KAT14: variants seen among roughly 807,000 people sequenced by gnomAD.
The protein encoded by KAT14 is cysteine-rich protein 2-binding protein.
KAT14 carries 66 observed loss-of-function variants against 78.4 expected under a neutral mutation model. That is an observed-to-expected ratio of 0.84 (90% CI 0.69 to 1.03). The LOEUF (loss-of-function observed/expected upper bound fraction) is 1.03, where lower values mean the gene tolerates loss of function less well. Ranked by LOEUF, KAT14 falls within the 50% of genes least tolerant of loss-of-function variation. The pLI is 0.00. For synonymous variants in KAT14, 344 were observed against 359.4 expected (o/e 0.96, Z 0.48); for missense variants, 870 against 972.5 (o/e 0.89, Z 1.40).
chr20:18,161,075 G>T (rs1208718814), intron 5 of KAT14, among the ~76,000 whole-genome samples: 1 of 151,920 alleles, frequency 6.6e-6, no homozygotes, highest in East Asian at 2.0e-4. Flanking sequence ...TCTGGAGGCT[G>T]AGGCAGGAGA....
Position 18,138,062 on chromosome 20 carries a change from C to T in KAT14, c.-454+11C>T. ...CAGTGGGACCAGCAGGTCGGTGTCA[C>T]GTGACCGTCTCTTCCGGGCCCGCGC... On this transcript the variant is annotated intron_variant, in intron 1 of 10. Coordinates refer to ENST00000688188, the MANE Select transcript of KAT14 (RefSeq NM_001392073.1). 1.4e-6 allele frequency: 2 copies of T among 1,468,150 alleles called. No individual in the cohort carries two copies. The highest frequency in any genetic ancestry group is 5.0e-5 in the Admixed American group (2 of 39,922). The allele number at this position is 1,468,150 out of a possible 1,614,324, so 90.9% of individuals were successfully genotyped here. A position where few individuals can be genotyped will look rare whatever the true frequency, so the allele number is the denominator to read the frequency against.
In KAT14 at chr20:18,185,995, A is replaced by G. The variant is rs551531569; in HGVS notation, c.2172+1203A>G. ...CTACAACACTCCCTTTCTCTGCCCC[A>G]TCCCAACCAAGAGTTGATCTCTCAG... On this transcript the variant is annotated intron_variant, in intron 10 of 10. Transcript: ENST00000688188. Among the ~76,000 whole-genome samples, 4 of 152,306 alleles carry G rather than the reference A, an allele frequency of 2.6e-5. 1 individual carries two copies. Among genetic ancestry groups the G allele is most frequent in the Admixed American group, 6.5e-5 (1 of 15,302 alleles).
In KAT14 at chr20:18,162,426, C is replaced by A. The variant is rs147453703; in HGVS notation, c.1149C>A (p.Tyr383Ter). The change falls in exon 7 of 11, where the codon TAC (tyrosine) becomes TAA (stop). Residue 383 changes from tyrosine to a stop codon, truncating the protein, a stop_gained. Transcript: ENST00000688188. LOFTEE classifies it high-confidence loss of function. ...GDGVIDPGMEYVPPPAGSVAS... is the reference protein window; with the variant it reads ...GDGVIDPGME ...GAGTCATAGACCCAGGGATGGAGTA[C>A]GTCCCACCCCCTGCTGGGTCAGTAG... 7 of 1,613,964 alleles carry A rather than the reference C, an allele frequency of 4.3e-6. No homozygotes were observed. The East Asian group carries it at 1.6e-4, about 36-fold the overall frequency.
chr20:18,179,821 T>C (rs907751256), intron 7 of KAT14, among the ~76,000 whole-genome samples: 7 of 152,244 alleles, frequency 4.6e-5, no homozygotes, highest in Admixed American at 1.3e-4. Context: ...TTTTATGTTC[T>C]GTTTCCCTTT....
intron 3 of KAT14, among the ~76,000 whole-genome samples, chr20:18,149,602 A>T (rs2037962231): frequency 6.6e-6 from 1 of 152,148 alleles, no homozygotes; most frequent in Admixed American, 6.5e-5. Context: ...CTGGGGATTT[A>T]ATGCTGTGAA....
intron 7 of KAT14, among the ~76,000 whole-genome samples, chr20:18,167,223 G>T (rs2038671634): frequency 6.6e-6 from 1 of 152,176 alleles, no homozygotes; most frequent in Non-Finnish European, 1.5e-5. Flanking sequence ...GCTGGCTGCT[G>T]CCTGGATTTT....
chr20:18,175,194 G>A (rs2038992077), intron 7 of KAT14, among the ~76,000 whole-genome samples: 2 of 152,008 alleles, frequency 1.3e-5, no homozygotes, highest in South Asian at 4.1e-4. Context: ...TTCTCTCAGG[G>A]AACCTCCCAG....
At chr20:18,155,816 G>A (rs1376070686) in intron 4 of KAT14, among the ~76,000 whole-genome samples, 1 of 152,100 alleles carries the variant, frequency 6.6e-6, no homozygotes, top group Non-Finnish European at 1.5e-5. Context: ...CAATCGTTGT[G>A]GAAAATGGTG....
At chr20:18,172,226 C>T (rs560981919) in intron 7 of KAT14, among the ~76,000 whole-genome samples, 5 of 151,770 alleles carry the variant, frequency 3.3e-5, no homozygotes, top group Admixed American at 6.6e-5. Flanking sequence ...CTCAGCCTCC[C>T]GAGTAGCTGG....
chr20:18,144,268 A>G (rs1361969259), intron 2 of KAT14, among the ~76,000 whole-genome samples: 1 of 152,198 alleles, frequency 6.6e-6, no homozygotes, highest in Non-Finnish European at 1.5e-5. Context: ...GGTCTCTGTT[A>G]TTGATTTCAG....
At position 18,183,293 on chromosome 20, in the gene KAT14, G is replaced by T; in HGVS notation, c.1976G>T (p.Trp659Leu). 1 of 1,612,818 alleles carries T rather than the reference G, an allele frequency of 6.2e-7. No homozygotes were observed. Among genetic ancestry groups the T allele is most frequent in the Non-Finnish European group, 8.5e-7 (1 of 1,179,304 alleles). ...AACTCCATGTGTCAGGAGTTTTTTT[G>T]GCCTGGTATGTTCCCCCTCCCAAAC... The part of the protein sequence containing the change: ...TINSMCQEFF[W>L]PGIDLSECLQ... Residue 659 changes from tryptophan (W) to leucine (L), a missense_variant, in exon 9 of 11, where the codon TGG becomes TTG. By Grantham distance (61) the Trp-to-Leu change is moderately conservative. Coordinates refer to ENST00000688188, the MANE Select transcript of KAT14 (RefSeq NM_001392073.1).
intron 7 of KAT14, among the ~76,000 whole-genome samples, chr20:18,172,210 T>C (rs1373197741): frequency 6.6e-6 from 1 of 151,748 alleles, no homozygotes; most frequent in Non-Finnish European, 1.5e-5. Context: ...CAAGCGATTC[T>C]TCTGCCTCAG....
Position 18,137,911 on chromosome 20 carries a change from G to C in KAT14, c.-594G>C, listed in dbSNP as rs1390681127. 2 of 1,457,344 alleles carry C rather than the reference G, an allele frequency of 1.4e-6. No homozygotes were observed. The highest frequency in any genetic ancestry group is 1.5e-5 in the African/African-American group (1 of 67,464). 90.3% of individuals were successfully genotyped at this position (1,457,344 alleles called of 1,614,324 possible). On this transcript the variant is annotated 5_prime_UTR_variant, in exon 1 of 11. Coordinates refer to ENST00000688188, the MANE Select transcript of KAT14 (RefSeq NM_001392073.1). ...GTGCGCACTCTGCGGCGGCCTCTGC[G>C]CCTCGGGCGGGCGGGAGAGAGAGGC...
chr20:18,153,734 A>G (rs2038128863), intron 4 of KAT14, among the ~76,000 whole-genome samples: 1 of 152,228 alleles, frequency 6.6e-6, no homozygotes, highest in South Asian at 2.1e-4. Flanking sequence ...ATATTGGTAT[A>G]TCACCGGAAT....
upstream of KAT14, chr20:18,137,836 C>T: frequency 2.8e-6 from 3 of 1,063,374 alleles, no homozygotes; most frequent in Non-Finnish European, 3.7e-6. Flanking sequence ...GCGCACGCGA[C>T]GGCTGGGGCT....
intron 7 of KAT14, among the ~76,000 whole-genome samples, chr20:18,176,732 A>T (rs2039065637): frequency 6.6e-6 from 1 of 152,214 alleles, no homozygotes; most frequent in Non-Finnish European, 1.5e-5. Flanking sequence ...CAGGGGCCAG[A>T]TCCTGCAGGA....
At position 18,187,363 on chromosome 20, in the gene KAT14, C is replaced by T; in HGVS notation, c.2250C>T (p.Phe750=). 6.2e-7 allele frequency: 1 copy of T among 1,614,116 alleles called. No individual in the cohort carries two copies. Residue 750 remains phenylalanine (F), a synonymous_variant, in exon 11 of 11, where the codon TTC becomes TTT. Transcript: ENST00000688188. ...PAMLLYQKFG[F]KTEEYVLDFY... ...TGCTACTGTACCAGAAGTTTGGATTCAAGACTGAAGAATATGTATTAGATT... is the reference window on the plus strand; with the variant it reads ...TGCTACTGTACCAGAAGTTTGGATTTAAGACTGAAGAATATGTATTAGATT...
At chr20:18,160,049 C>T (rs2038361158) in intron 5 of KAT14, among the ~76,000 whole-genome samples, 1 of 152,110 alleles carries the variant, frequency 6.6e-6, no homozygotes, top group Non-Finnish European at 1.5e-5. Flanking sequence ...AAATAACATG[C>T]CACCATGCCC....
At chr20:18,146,546 C>G (rs983871200) in intron 3 of KAT14, among the ~76,000 whole-genome samples, 2 of 152,142 alleles carry the variant, frequency 1.3e-5, no homozygotes, top group African/African-American at 4.8e-5. Flanking sequence ...GTAATCCCAG[C>G]TACTTGGGAG....
Sources: allele counts gnomAD v4.1 joint callset (sites outside exome capture counted in the v4.1 genomes callset), GRCh38; gene constraint gnomAD v4.1.1; transcripts MANE v1.5; gene names NCBI Gene and HGNC (gene_info 2026-07-23, HGNC 2026-07-21).